The following LUZP2 variants were observed in gnomAD, a reference collection of about 807,000 sequenced individuals.
LUZP2 encodes the protein leucine zipper protein 2.
A neutral mutation model predicts 51.6 loss-of-function variants in LUZP2; 52 were observed. That is an observed-to-expected ratio of 1.01 (90% confidence interval 0.81 to 1.27). The LOEUF is 1.27. LUZP2 is among the 50% of genes most tolerant of loss of function. LUZP2 has a pLI of 0.00. For synonymous variants in LUZP2, 154 were observed against 137.3 expected, an observed-to-expected ratio of 1.12 and a Z score of -0.85; for missense variants, 436 against 395.4, an observed-to-expected ratio of 1.10 and a Z score of -0.87.
At chr11:24,795,749 G>A (rs1046908803) in intron 5 of LUZP2, among the ~76,000 whole-genome samples, 1 of 152,064 alleles carries the variant, frequency 6.6e-6, no homozygotes, top group Non-Finnish European at 1.5e-5. Flanking sequence ...GAGAGCTAAA[G>A]GAAAACACAG....
intron 1 of LUZP2, among the ~76,000 whole-genome samples, chr11:24,720,882 G>T (rs1858242306): frequency 6.6e-6 from 1 of 152,114 alleles, no homozygotes; most frequent in South Asian, 2.1e-4. Flanking sequence ...TGTATTTTTA[G>T]TAGAGACAGG....
At chr11:24,799,261 G>A (rs973099535) in intron 5 of LUZP2, among the ~76,000 whole-genome samples, 4 of 152,152 alleles carry the variant, frequency 2.6e-5, no homozygotes, top group Admixed American at 1.3e-4. Context: ...AGAAAACTGA[G>A]TAACACATAG....
Position 25,081,863 on chromosome 11 carries a change from C to G in LUZP2, c.*3205C>G, listed in dbSNP as rs1048332626. 1.3e-5 allele frequency: 2 copies of G among 152,038 alleles called. No homozygotes were observed. Among genetic ancestry groups the G allele is most frequent in the African/African-American group, 4.8e-5 (2 of 41,394 alleles). The allele number at this position is 152,038 out of a possible 1,614,324, so 9.4% of individuals were successfully genotyped here. On this transcript the variant is annotated 3_prime_UTR_variant, in exon 12 of 12. Transcript: ENST00000336930. The stretch of plus-strand genomic sequence containing the variant: ...AAAAAGATATTTTCCAATGGAGTAA[C>G]TTGTTTTAATAGAGGTACAACCAGA...
intron 5 of LUZP2, among the ~76,000 whole-genome samples, chr11:24,832,741 A>G (rs1397750995): frequency 1.3e-5 from 2 of 152,144 alleles, no homozygotes; most frequent in African/African-American, 2.4e-5. Flanking sequence ...AAGTTCTAAA[A>G]GAGAAGTTTT....
rs564853537 is a variant in LUZP2 at position 24,497,230 on chromosome 11, C to T, written c.-14C>T. 25 of 1,529,440 alleles carry T rather than the reference C, an allele frequency of 1.6e-5. No homozygotes were observed. In the Admixed American group the frequency reaches 3.1e-4, roughly 19 times the overall value. The allele number at this position is 1,529,440 out of a possible 1,614,324, so 94.7% of individuals were successfully genotyped here. On this transcript the variant is annotated 5_prime_UTR_variant, in exon 1 of 12. Coordinates refer to ENST00000336930, the MANE Select transcript of LUZP2 (RefSeq NM_001009909.4). Reference sequence around the variant, plus strand: ...GAAGGCAGCGAGGGAAGGAGGACCCCGGCAGGCAGCAGCATGAAATTCAGC... The same window carrying T: ...GAAGGCAGCGAGGGAAGGAGGACCCTGGCAGGCAGCAGCATGAAATTCAGC...
chr11:24,775,359 G>GT (rs989087201), intron 5 of LUZP2, among the ~76,000 whole-genome samples: 4 of 129,836 alleles, frequency 3.1e-5, no homozygotes, highest in African/African-American at 1.6e-4. Flanking sequence ...CAGCTTACTT[G>GT]CAAAGAAAAT....
At chr11:24,735,361 A>G (rs959531643) in intron 3 of LUZP2, among the ~76,000 whole-genome samples, 1 of 151,912 alleles carries the variant, frequency 6.6e-6, no homozygotes, top group African/African-American at 2.4e-5. Flanking sequence ...ATATATAACC[A>G]CAACAAGGAG....
intron 1 of LUZP2, among the ~76,000 whole-genome samples, chr11:24,625,208 G>A (rs1262977662): frequency 6.6e-5 from 10 of 151,970 alleles, no homozygotes; most frequent in Non-Finnish European, 1.5e-4. Context: ...AGATTATGTT[G>A]GTCAAAGGGC....
intron 5 of LUZP2, among the ~76,000 whole-genome samples, chr11:24,800,540 CAA>C (rs34615618): frequency 3.5e-5 from 5 of 141,180 alleles, no homozygotes; most frequent in African/African-American, 7.8e-5. Flanking sequence ...TCATTTAACT[CAA>C]AAAAAAAAAA....
intron 1 of LUZP2, among the ~76,000 whole-genome samples, chr11:24,642,230 G>A (rs1045189988): frequency 2.6e-5 from 4 of 151,660 alleles, no homozygotes; most frequent in African/African-American, 9.7e-5. Flanking sequence ...GCTAATAAAC[G>A]TTCATCTTTA....
intron 7 of LUZP2, among the ~76,000 whole-genome samples, chr11:24,941,122 T>C (rs1203618756): frequency 2.0e-5 from 3 of 152,186 alleles, no homozygotes; most frequent in Non-Finnish European, 4.4e-5. Flanking sequence ...ATAGCCATCA[T>C]GAGTCCCCTC....
rs896534104 is a variant in LUZP2 at position 24,698,925 on chromosome 11, G to A, written c.63-30244G>A. Among the ~76,000 whole-genome samples, 23 of 152,162 alleles carry A rather than the reference G, an allele frequency of 1.5e-4. 1 individual carries two copies. Among genetic ancestry groups the A allele is most frequent in the Admixed American group, 9.8e-4 (15 of 15,278 alleles). Reference sequence around the variant, plus strand: ...ATATAAAAATTAGCTGATTGTGGTGGTGCACACCTGTAGTCCCAGTTATTT... The same window carrying A: ...ATATAAAAATTAGCTGATTGTGGTGATGCACACCTGTAGTCCCAGTTATTT... On this transcript the variant is annotated intron_variant, in intron 1 of 11. Coordinates refer to ENST00000336930, the MANE Select transcript of LUZP2 (RefSeq NM_001009909.4).
chr11:24,831,273 A>G (rs1239663891), intron 5 of LUZP2, among the ~76,000 whole-genome samples: 3 of 152,146 alleles, frequency 2.0e-5, no homozygotes, highest in Non-Finnish European at 4.4e-5. Context: ...TAAGCTCTTT[A>G]TGCCAAAGGC....
At chr11:24,629,549 C>CATATATATATAT (rs3078021) in intron 1 of LUZP2, among the ~76,000 whole-genome samples, 154 of 141,106 alleles carry the variant, frequency 1.1e-3, no homozygotes, top group African/African-American at 3.9e-3. Flanking sequence ...TATTCCATTG[C>CATATATATATAT]ATATATATAT....
intron 1 of LUZP2, among the ~76,000 whole-genome samples, chr11:24,574,262 TGC>T (rs1491131032): frequency 9.5e-5 from 1 of 10,486 alleles, no homozygotes; most frequent in African/African-American, 2.1e-4. Flanking sequence ...CTTTCTTTCT[TGC>T]TTTCTTTCTT....
intron 9 of LUZP2, among the ~76,000 whole-genome samples, chr11:24,996,726 G>A (rs191843525): frequency 3.8e-4 from 58 of 151,526 alleles, no homozygotes; most frequent in African/African-American, 1.1e-3. Context: ...CCATTAACTC[G>A]TCATTTAGCA....
At chr11:24,657,593 A>G (rs542829747) in intron 1 of LUZP2, among the ~76,000 whole-genome samples, 2 of 152,116 alleles carry the variant, frequency 1.3e-5, no homozygotes, top group Non-Finnish European at 2.9e-5. Flanking sequence ...CATGCAGGAG[A>G]AGGAAATAAA....
chr11:24,879,401 T>A (rs1852381079), intron 5 of LUZP2, among the ~76,000 whole-genome samples: 1 of 152,158 alleles, frequency 6.6e-6, no homozygotes, highest in Non-Finnish European at 1.5e-5. Flanking sequence ...GTCTTTAGAG[T>A]AGAATGATTT....
At chr11:25,067,463 G>C (rs1859029581) in intron 10 of LUZP2, among the ~76,000 whole-genome samples, 2 of 152,052 alleles carry the variant, frequency 1.3e-5, no homozygotes, top group South Asian at 2.1e-4. Flanking sequence ...CCATGCCTAA[G>C]TCCTGAATGG....
Sources: allele counts gnomAD v4.1 joint callset (sites outside exome capture counted in the v4.1 genomes callset), GRCh38; gene constraint gnomAD v4.1.1; transcripts MANE v1.5; gene names NCBI Gene and HGNC (gene_info 2026-07-23, HGNC 2026-07-21).